Variants in CEP89 observed in about 807,000 individuals in gnomAD.
CEP89 encodes centrosomal protein of 89 kDa.
Under a neutral mutation model 97.6 loss-of-function variants are expected in CEP89, and 95 were observed. The observed-to-expected ratio is 0.97, with a 90% confidence interval of 0.82 to 1.15. CEP89 has a LOEUF of 1.15. CEP89 is among the 50% of genes most tolerant of loss of function. The pLI is 0.00. For missense variants in CEP89, 869 were observed against 947.7 expected (o/e 0.92, Z 1.09); for synonymous variants, 354 against 349.1 (o/e 1.01, Z -0.16).
At chr19:32,899,274 G>A (rs750310381) in intron 16 of CEP89, among the ~76,000 whole-genome samples, 1 of 151,842 alleles carries the variant, frequency 6.6e-6, no homozygotes, top group Non-Finnish European at 1.5e-5. Context: ...GAGACTACAG[G>A]TGCATGCCAC....
chr19:32,899,949 T>A lies in CEP89; in HGVS notation c.1783A>T (p.Met595Leu). Residue 595 changes from methionine to leucine, a missense_variant, in exon 16 of 19, where the codon ATG (methionine) becomes TTG (leucine). By Grantham distance (15) the Met-to-Leu change is conservative. Coordinates refer to ENST00000305768, the MANE Select transcript of CEP89 (RefSeq NM_032816.5). ...EVLKKQVEKA[M>L]GNEMSAHQYL... The stretch of plus-strand genomic sequence containing the variant: ...TGATGAGCAGACATTTCGTTCCCCA[T>A]GGCTTTTTCCACCTGCTTTTTGAGG... The A allele has an allele frequency of 6.2e-7, 1 of 1,614,112 alleles. No homozygotes were observed.
intron 9 of CEP89, among the ~76,000 whole-genome samples, chr19:32,927,644 A>T (rs1970388672): frequency 6.6e-6 from 1 of 151,028 alleles, no homozygotes; most frequent in Admixed American, 6.6e-5. Flanking sequence ...TCATTCCATC[A>T]CCCGGGCTGG....
chr19:32,927,139 T>G (rs751796728), intron 9 of CEP89, among the ~76,000 whole-genome samples, 155 bp from the exon 10 acceptor site: 2 of 137,340 alleles, frequency 1.5e-5, no homozygotes, highest in African/African-American at 5.8e-5. Context: ...TACCCATCCA[T>G]CCATCCATCC....
intron 3 of CEP89, among the ~76,000 whole-genome samples, chr19:32,958,669 ACT>A (rs1971101498): frequency 6.6e-6 from 1 of 151,538 alleles, no homozygotes; most frequent in Admixed American, 6.6e-5. Flanking sequence ...ACAGAGTGAG[ACT>A]CTGTCTCAAA....
intron 4 of CEP89, among the ~76,000 whole-genome samples, chr19:32,951,511 T>TTATATATATATATATATATA (rs72440449): frequency 1.5e-5 from 2 of 132,042 alleles, no homozygotes; most frequent in African/African-American, 6.1e-5. Flanking sequence ...CAACAAAAAA[T>TTATATATATATATATATATA]TATATATATA....
intron 14 of CEP89, among the ~76,000 whole-genome samples, chr19:32,914,808 G>A (rs1216871116): frequency 6.6e-6 from 1 of 152,006 alleles, no homozygotes; most frequent in East Asian, 1.9e-4. Context: ...GATCACTTGT[G>A]GTCAGGAGTT....
In CEP89 at chr19:32,932,160, A is replaced by G. The variant is rs546275221; in HGVS notation, c.887-589T>C. ...CACGCCACTGCACTCCAGCCTGGGC[A>G]ACAGAGGGAGACTCCATCTCACAAA... On this transcript the variant is annotated intron_variant, in intron 8 of 18. Transcript: ENST00000305768. 2.9e-3 allele frequency among the ~76,000 whole-genome samples: 433 copies of G among 151,536 alleles called. 1 individual carries two copies. The highest frequency in any genetic ancestry group is 9.6e-3 in the African/African-American group (395 of 41,352).
chr19:32,894,533 T>A, intron 16 of CEP89, among the ~76,000 whole-genome samples: 1 of 152,198 alleles, frequency 6.6e-6, no homozygotes, highest in East Asian at 1.9e-4. Context: ...GCTAAAGATA[T>A]CTCCAGGGTC....
At chr19:32,962,143 A>G (rs1971182372) in intron 2 of CEP89, among the ~76,000 whole-genome samples, 1 of 151,584 alleles carries the variant, frequency 6.6e-6, no homozygotes, top group African/African-American at 2.4e-5. Flanking sequence ...TGTAATCCCC[A>G]TGTGTCGAAG....
chr19:32,897,551 T>C (rs917259329), intron 16 of CEP89, among the ~76,000 whole-genome samples: 5 of 152,150 alleles, frequency 3.3e-5, no homozygotes, highest in South Asian at 4.1e-4. Flanking sequence ...CTTTGCATAA[T>C]ACATTTAGAG....
rs1287758171 is a variant in CEP89, at chr19:32,878,967, A to AG, written c.*194_*195insC. 2.2e-6 allele frequency: 1 copy of AG among 462,854 alleles called. No individual in the cohort carries two copies. The highest frequency in any genetic ancestry group is 3.8e-5 in the Admixed American group (1 of 26,328). The allele number at this position is 462,854 out of a possible 1,614,324, so 28.7% of individuals were successfully genotyped here. A position where few individuals can be genotyped will look rare whatever the true frequency, so the allele number is the denominator to read the frequency against. On this transcript the variant is annotated 3_prime_UTR_variant, in exon 19 of 19. Coordinates refer to ENST00000305768, the MANE Select transcript of CEP89 (RefSeq NM_032816.5). ...ACAGAGTGAGACCCTAGCTCTAAAA[A>AG]AAAAAAAAAATTAAAAAATAAAGCA... is the stretch of plus-strand genomic sequence containing the variant.
At chr19:32,913,357 A>C (rs892514289) in intron 14 of CEP89, among the ~76,000 whole-genome samples, 5 of 150,378 alleles carry the variant, frequency 3.3e-5, no homozygotes, top group African/African-American at 1.2e-4. Flanking sequence ...AATGTTGCCC[A>C]GGCTGATCTC....
intron 14 of CEP89, 79 bp downstream of exon 14, chr19:32,915,258 G>T: frequency 7.7e-7 from 1 of 1,306,966 alleles, no homozygotes; most frequent in East Asian, 2.5e-5. Context: ...CAGGAGTTTG[G>T]GACCAGCCTG....
intron 17 of CEP89, among the ~76,000 whole-genome samples, chr19:32,886,622 G>C (rs991417595): frequency 6.6e-5 from 10 of 152,144 alleles, no homozygotes; most frequent in Non-Finnish European, 1.5e-4. Flanking sequence ...TGTCTCCTCC[G>C]GGTGAGCCGG....
chr19:32,900,888 C>CTTTTT lies in CEP89; in HGVS notation c.1733+352_1733+356dup, dbSNP rs34188586. Among the ~76,000 whole-genome samples, 501 of 138,152 alleles carry CTTTTT rather than the reference C, an allele frequency of 3.6e-3. 7 individuals are homozygous for CTTTTT. Among genetic ancestry groups the CTTTTT allele is most frequent in the African/African-American group, 9.9e-3 (369 of 37,230 alleles). 90.6% of individuals were successfully genotyped at this position (138,152 alleles called of 152,430 possible). Reference sequence around the variant, plus strand: ...ATGAAATGGAATATTCTTCATTTGTCTTTTTTTTTTTTTTTGAGACAGGGT... The same window carrying CTTTTT: ...ATGAAATGGAATATTCTTCATTTGTCTTTTTTTTTTTTTTTTTTTTGAGACAGGGT... On this transcript the variant is annotated intron_variant, in intron 15 of 18. Coordinates refer to ENST00000305768, the MANE Select transcript of CEP89 (RefSeq NM_032816.5).
chr19:32,926,118 T>C, intron 11 of CEP89, 72 bp downstream of exon 11: 1 of 1,090,888 alleles, frequency 9.2e-7, no homozygotes, highest in Non-Finnish European at 1.4e-6. Context: ...ACATTCAAAA[T>C]GTTTTTATAA....
chr19:32,941,432 G>C (rs1211039140), intron 5 of CEP89, among the ~76,000 whole-genome samples: 1 of 152,114 alleles, frequency 6.6e-6, no homozygotes, highest in Non-Finnish European at 1.5e-5. Flanking sequence ...GAGTTTGGGA[G>C]GCAGAGGTTG....
At chr19:32,937,410 C>T (rs558510844) in intron 7 of CEP89, 49 of 520,192 alleles carry the variant, frequency 9.4e-5, no homozygotes, top group East Asian at 3.2e-4. Flanking sequence ...CACAGGTCCA[C>T]GTCCCCCCAG....
At chr19:32,937,170 A>G (rs1970596385) in intron 7 of CEP89, 1 of 159,674 alleles carries the variant, frequency 6.3e-6, no homozygotes, top group Non-Finnish European at 1.4e-5. Flanking sequence ...GAAGCTCCCC[A>G]AACTGTTCAG....
Sources: gnomAD v4.1 joint callset for allele counts (sites outside exome capture counted in the v4.1 genomes callset) on GRCh38, gnomAD v4.1.1 for gene constraint, MANE v1.5 for transcripts, NCBI Gene and HGNC (gene_info 2026-07-23, HGNC 2026-07-21) for gene names.